FN1: variants seen among roughly 807,000 people sequenced by gnomAD.
The protein encoded by FN1 is fibronectin 1, also known as fibronectin.
In FN1, 106 loss-of-function variants were observed where a neutral mutation model predicts 297.3. The ratio of observed to expected loss-of-function variants is 0.36; its 90% CI spans 0.30 to 0.42. The LOEUF is 0.42. Ranked by LOEUF, FN1 falls within the 10% of genes least tolerant of loss-of-function variation. The pLI, the probability that FN1 is intolerant of heterozygous loss-of-function variation, is 1.00. For missense variants in FN1, 2,690 were observed against 3,124.9 expected (o/e 0.86, Z 3.32); for synonymous variants, 1,149 against 1,152.6 (o/e 1.00, Z 0.06).
chr2:215,372,362 T>A lies in FN1; in HGVS notation c.6261A>T (p.Gln2087His). 3.1e-6 allele frequency: 5 copies of A among 1,614,044 alleles called. No individual in the cohort carries two copies. The highest frequency in any genetic ancestry group is 4.2e-6 in the Non-Finnish European group (5 of 1,179,976). The change falls in exon 40 of 46, where the codon CAA becomes CAT. Residue 2087 changes from glutamine (Q) to histidine (H), a missense_variant. By Grantham distance (24) the Gln-to-His change is conservative. This residue lies in a region of FN1 where 1,743 missense variants were observed against 1,945.2 expected (regional missense o/e 0.90). Coordinates refer to ENST00000354785, the MANE Select transcript of FN1 (RefSeq NM_212482.4). ...GATTGGGGTGTGGAAGGGTTACCAG[T>A]TGGGGAAGCTCGTCTAGCCGAGAGA... ...IGRKKTDELPQLVTLPHPNLH... is the reference protein window; with the variant it reads ...IGRKKTDELPHLVTLPHPNLH...
At chr2:215,412,442 A>G (rs1398086542) in intron 13 of FN1, among the ~76,000 whole-genome samples, 1 of 152,038 alleles carries the variant, frequency 6.6e-6, no homozygotes, top group African/African-American at 2.4e-5. Context: ...TTATTTATAT[A>G]TTTATTTATG....
chr2:215,435,609 G>T, intron 1 of FN1, 46 bp downstream of exon 1: 4 of 1,611,390 alleles, frequency 2.5e-6, no homozygotes, highest in Non-Finnish European at 3.4e-6. Flanking sequence ...CGGCTTTAGG[G>T]TCCCATCCCT....
chr2:215,414,699 G>T, intron 13 of FN1, 138 bp downstream of exon 13: 1 of 1,450,718 alleles, frequency 6.9e-7, no homozygotes, highest in Non-Finnish European at 9.1e-7. Flanking sequence ...CATATTGTTT[G>T]TTCACTAAAC....
At position 215,409,698 on chromosome 2, in the gene FN1, C is replaced by G; in HGVS notation, c.2164G>C (p.Val722Leu). 1 of 1,614,012 alleles carries G rather than the reference C, an allele frequency of 6.2e-7. No homozygotes were observed. Among genetic ancestry groups the G allele is most frequent in the East Asian group, 2.2e-5 (1 of 44,874 alleles). The change falls in exon 15 of 46, where the codon GTG becomes CTG. Residue 722 changes from valine to leucine, a missense_variant. Physicochemically the swap from Val to Leu is conservative, Grantham distance 32 (BLOSUM62 1). Around this residue, in one of 3 missense-constraint regions of FN1, gnomAD observed 876 missense variants for 1,058.1 expected, o/e 0.83. Transcript: ENST00000354785. ...TGETTPFSPLVATSESVTEIT... is the reference protein window; with the variant it reads ...TGETTPFSPLLATSESVTEIT... ...TCGGTCACAGATTCAGAAGTGGCCA[C>G]AAGAGGAGAAAAGGGAGTCGTCTCT...
At position 215,394,739 on chromosome 2, in the gene FN1, G is replaced by A; in HGVS notation, c.3605-20C>T. On this transcript the variant is annotated intron_variant, in intron 23 of 45. Transcript: ENST00000354785. ...TAATGTCTGGAGAAAAAAGAAAAGG[G>A]AAGTTATTGCACAGAGGATCTGTGA... 4 of 1,588,952 alleles carry A rather than the reference G, an allele frequency of 2.5e-6. No homozygotes were observed. Among genetic ancestry groups the A allele is most frequent in the Non-Finnish European group, 3.5e-6 (4 of 1,157,484 alleles).
At chr2:215,383,083 C>T (rs1410891146) in intron 31 of FN1, among the ~76,000 whole-genome samples, 1 of 151,700 alleles carries the variant, frequency 6.6e-6, no homozygotes, top group East Asian at 1.9e-4. Flanking sequence ...TGGCTCACTG[C>T]AACCTCTGCC....
At chr2:215,421,876 G>A (rs2064449019) in intron 10 of FN1, among the ~76,000 whole-genome samples, 1 of 152,184 alleles carries the variant, frequency 6.6e-6, no homozygotes, top group Admixed American at 6.5e-5. Flanking sequence ...CATGCTAGGA[G>A]TGTTTCAGAA....
In FN1 at chr2:215,375,666, A is replaced by T; in HGVS notation, c.5940T>A (p.Asn1980Lys). 1 of 1,613,680 alleles carries T rather than the reference A, an allele frequency of 6.2e-7. No individual in the cohort carries two copies. Among genetic ancestry groups the T allele is most frequent in the Non-Finnish European group, 8.5e-7 (1 of 1,179,572 alleles). ...YKIYLYTLND[N>K]ARSSPVVIDA... is the part of the protein sequence containing the mutation. ...CGATGACCACAGGGGAGCTCCGAGC[A>T]TTGTCATTCAAGGTGTACAGGTAGA... The change falls in exon 37 of 46, where the codon AAT becomes AAA. Residue 1980 changes from asparagine (N) to lysine (K), a missense_variant. Physicochemically the swap from Asn to Lys is moderately conservative, Grantham distance 94. Transcript: ENST00000354785.
chr2:215,370,287 T>G lies in FN1; in HGVS notation c.6853+7A>C, dbSNP rs1000352801. ...AGCCTGTGTCTAAATAGTACGTGTT[T>G]ACATACCAGAGTTGCCCACGGTAAC... On this transcript the variant is annotated splice_region_variant and intron_variant, in intron 41 of 45. Transcript: ENST00000354785. 7 of 1,613,812 alleles carry G rather than the reference T, an allele frequency of 4.3e-6. No homozygotes were observed. Among genetic ancestry groups the G allele is most frequent in the Non-Finnish European group, 5.9e-6 (7 of 1,179,916 alleles).
At chr2:215,428,382 G>T in intron 5 of FN1, 44 bp from the exon 6 acceptor site, 1 of 1,581,392 alleles carries the variant, frequency 6.3e-7, no homozygotes, top group Non-Finnish European at 8.7e-7. Flanking sequence ...GTCGAGAGTC[G>T]CAAGTGGTCA....
At chr2:215,375,178 G>A (rs368183480) in intron 38 of FN1, 36 bp downstream of exon 38, 2 of 1,603,688 alleles carry the variant, frequency 1.2e-6, no homozygotes, top group Non-Finnish European at 1.7e-6. Context: ...GTCCTAGGTA[G>A]TAAGAAGGAA....
At chr2:215,377,726 G>C (rs2057555651) in intron 35 of FN1, among the ~76,000 whole-genome samples, 1 of 136,908 alleles carries the variant, frequency 7.3e-6, no homozygotes, top group African/African-American at 2.6e-5. Context: ...GCAGAAGCCA[G>C]TGGGGTCTCC....
At chr2:215,410,390 C>G (rs935544236) in intron 13 of FN1, among the ~76,000 whole-genome samples, 1 of 152,172 alleles carries the variant, frequency 6.6e-6, no homozygotes, top group African/African-American at 2.4e-5. Context: ...CCCATTTAGT[C>G]TCCATATCCT....
chr2:215,414,828 G>A lies in FN1; in HGVS notation c.1941+9C>T. 6.2e-7 allele frequency: 1 copy of A among 1,613,558 alleles called. No individual in the cohort carries two copies. The highest frequency in any genetic ancestry group is 8.5e-7 in the Non-Finnish European group (1 of 1,179,680). ...CTCAGTATCCAAGGTTTCTGGGTGG[G>A]ATACTCACAGGTCTCCACCTGAGAA... is the stretch of plus-strand genomic sequence containing the variant. On this transcript the variant is annotated intron_variant, in intron 13 of 45. Coordinates refer to ENST00000354785, the MANE Select transcript of FN1 (RefSeq NM_212482.4).
At chr2:215,420,616 G>GA (rs2064152071) in intron 11 of FN1, 57 bp downstream of exon 11, 22 of 1,607,290 alleles carry the variant, frequency 1.4e-5, no homozygotes, top group Non-Finnish European at 1.8e-5. Context: ...TTTCTTATCT[G>GA]AAACTTGCTA....
chr2:215,404,459 C>T lies in FN1; in HGVS notation c.3183G>A (p.Glu1061=), dbSNP rs1031047059. ...TTATGGCCACGAGGGATACGGTGTA[C>T]TCAGATGCAGGCTGCAGATTCCTCA... The part of the protein sequence containing the change: ...YPLRNLQPAS[E]YTVSLVAIKG... Residue 1061 remains glutamate, a synonymous_variant, in exon 20 of 46, where the codon GAG becomes GAA. Coordinates refer to ENST00000354785, the MANE Select transcript of FN1 (RefSeq NM_212482.4). 3.7e-6 allele frequency: 6 copies of T among 1,613,982 alleles called. No individual in the cohort carries two copies. Among genetic ancestry groups the T allele is most frequent in the Non-Finnish European group, 5.1e-6 (6 of 1,180,012 alleles).
intron 26 of FN1, 121 bp from the exon 27 acceptor site, chr2:215,388,422 C>A (rs2059302513): frequency 1.3e-6 from 1 of 747,726 alleles, no homozygotes; most frequent in African/African-American, 1.7e-5. Flanking sequence ...CCTACTTACA[C>A]CTAAGTGAAC....
intron 4 of FN1, 132 bp from the exon 5 acceptor site, chr2:215,430,984 G>T: frequency 2.3e-6 from 2 of 864,900 alleles, no homozygotes; most frequent in Non-Finnish European, 3.8e-6. Context: ...TGTTCAGAAA[G>T]AATGACACAC....
chr2:215,422,298 T>G, intron 9 of FN1, 55 bp from the exon 10 acceptor site: 2 of 1,520,454 alleles, frequency 1.3e-6, no homozygotes, highest in South Asian at 1.1e-5. Flanking sequence ...GGTCTAAACA[T>G]GTATGTGTGC....
Sources: gnomAD v4.1 joint callset for allele counts (sites outside exome capture counted in the v4.1 genomes callset) on GRCh38, gnomAD v4.1.1 for gene constraint, gnomAD v4.1.1 regional missense constraint, MANE v1.5 for transcripts, NCBI Gene and HGNC (gene_info 2026-07-23, HGNC 2026-07-21) for gene names.